Variants in ERBB4 observed in about 807,000 individuals in gnomAD.
The protein encoded by ERBB4 is erb-b2 receptor tyrosine kinase 4, also known as receptor tyrosine-protein kinase erbB-4.
A neutral mutation model predicts 158.0 loss-of-function variants in ERBB4; 42 were observed. The ratio of observed to expected loss-of-function variants is 0.27; its 90% CI spans 0.21 to 0.34. The LOEUF is 0.34. Ranked by LOEUF, ERBB4 falls within the 10% of genes least tolerant of loss-of-function variation. The pLI is 1.00. For synonymous variants in ERBB4, 583 were observed against 558.7 expected (o/e 1.04, Z -0.61); for missense variants, 1,333 against 1,624.1 (o/e 0.82, Z 3.08).
chr2:211,476,821 T>A (rs1227653897), intron 20 of ERBB4, among the ~76,000 whole-genome samples: 1 of 152,118 alleles, frequency 6.6e-6, no homozygotes, highest in Non-Finnish European at 1.5e-5. Context: ...AACACAGGAA[T>A]ATGTCAAACT....
chr2:211,842,831 A>T (rs935158996), intron 3 of ERBB4, among the ~76,000 whole-genome samples: 2 of 152,138 alleles, frequency 1.3e-5, no homozygotes, highest in Admixed American at 1.3e-4. Context: ...AAATTATTAC[A>T]TTCCAAATGA....
chr2:211,887,503 A>G (rs1282339075), intron 3 of ERBB4, among the ~76,000 whole-genome samples: 1 of 152,202 alleles, frequency 6.6e-6, no homozygotes, highest in Non-Finnish European at 1.5e-5. Context: ...AATTACCTCA[A>G]GACAAAAGTT....
chr2:212,132,504 C>T (rs1341149590), intron 1 of ERBB4, among the ~76,000 whole-genome samples: 1 of 152,134 alleles, frequency 6.6e-6, no homozygotes, highest in East Asian at 1.9e-4. Context: ...GCAGTGCAGG[C>T]ACGGATAGAA....
At position 211,504,447 on chromosome 2, in the gene ERBB4, AG is replaced by A. The variant is rs2065694887; in HGVS notation, c.2487+57455del. 1.4e-4 allele frequency among the ~76,000 whole-genome samples: 22 copies of A among 151,972 alleles called. No individual in the cohort carries two copies. In the South Asian group the frequency reaches 4.6e-3, roughly 32 times the overall value. On this transcript the variant is annotated intron_variant, in intron 20 of 27. Transcript: ENST00000342788. ...AACAGCTAAACCCTCAAAGTGGGGA[AG>A]AAAAAAAAAAAACTCACCCAAATGA... is the stretch of plus-strand genomic sequence containing the variant.
chr2:212,453,613 T>G (rs928736944), intron 1 of ERBB4, among the ~76,000 whole-genome samples: 1 of 152,208 alleles, frequency 6.6e-6, no homozygotes, highest in Admixed American at 6.5e-5. Context: ...GTCACCTCTT[T>G]GTATAGCAAA....
chr2:211,734,287 G>A (rs2074528551), intron 5 of ERBB4, among the ~76,000 whole-genome samples: 1 of 152,078 alleles, frequency 6.6e-6, no homozygotes, highest in Non-Finnish European at 1.5e-5. Flanking sequence ...CTCTAAGACA[G>A]ATCACCACTT....
chr2:211,424,828 T>C (rs761490040), intron 22 of ERBB4, among the ~76,000 whole-genome samples: 1 of 152,124 alleles, frequency 6.6e-6, no homozygotes, highest in African/African-American at 2.4e-5. Context: ...GAATAAAACA[T>C]AGACTTCTTT....
intron 2 of ERBB4, among the ~76,000 whole-genome samples, chr2:211,977,272 C>T (rs1298940960): frequency 6.6e-6 from 1 of 152,056 alleles, no homozygotes; most frequent in African/African-American, 2.4e-5. Flanking sequence ...TTCCCTTAAA[C>T]TTCCAGCTAT....
chr2:211,477,373 T>C (rs1372503740), intron 20 of ERBB4, among the ~76,000 whole-genome samples: 2 of 152,122 alleles, frequency 1.3e-5, no homozygotes, highest in African/African-American at 2.4e-5. Flanking sequence ...TGGTTTTATT[T>C]CTCTGTGTTG....
intron 1 of ERBB4, among the ~76,000 whole-genome samples, chr2:212,202,799 A>T (rs1051701001): frequency 6.6e-6 from 1 of 152,188 alleles, no homozygotes; most frequent in South Asian, 2.1e-4. Context: ...ATTCTGAAAC[A>T]TGGAGCAACC....
intron 1 of ERBB4, among the ~76,000 whole-genome samples, chr2:212,431,142 C>G (rs1045708570): frequency 6.6e-6 from 1 of 151,630 alleles, no homozygotes; most frequent in African/African-American, 2.4e-5. Context: ...TCCAGGAGGA[C>G]GAATGCTACT....
At chr2:211,804,543 G>C (rs2076570786) in intron 3 of ERBB4, among the ~76,000 whole-genome samples, 1 of 152,154 alleles carries the variant, frequency 6.6e-6, no homozygotes, top group Non-Finnish European at 1.5e-5. Flanking sequence ...AATTTCAAAA[G>C]ACAAATTATC....
intron 1 of ERBB4, among the ~76,000 whole-genome samples, chr2:212,498,223 T>C (rs1690691547): frequency 1.3e-5 from 2 of 151,988 alleles, no homozygotes; most frequent in African/African-American, 4.8e-5. Context: ...GCAAGTCCCT[T>C]TTTTGAACCT....
chr2:212,536,622 C>A (rs914566596), intron 1 of ERBB4, among the ~76,000 whole-genome samples: 5 of 152,194 alleles, frequency 3.3e-5, no homozygotes, highest in Admixed American at 2.0e-4. Context: ...GCTAGTGTCG[C>A]CTGAGACGAG....
chr2:211,688,790 G>A (rs2072678994), intron 12 of ERBB4, among the ~76,000 whole-genome samples: 1 of 152,006 alleles, frequency 6.6e-6, no homozygotes, highest in South Asian at 2.1e-4. Context: ...TAACTTTGTA[G>A]TTATTTTAAA....
intron 4 of ERBB4, among the ~76,000 whole-genome samples, chr2:211,772,924 C>CATATATATATATATAT: frequency 2.7e-5 from 1 of 36,726 alleles, no homozygotes; most frequent in East Asian, 1.3e-3. Context: ...CACACACACA[C>CATATATATATATATAT]ATATATATAT....
chr2:211,909,414 A>G lies in ERBB4; in HGVS notation c.421+38016T>C, dbSNP rs1451478205. On this transcript the variant is annotated intron_variant, in intron 3 of 27. Transcript: ENST00000342788. The stretch of plus-strand genomic sequence containing the variant: ...AATTTTGTCATCGTGTGAACATCGT[A>G]AAGTACACTGTATTTACACAAACCT... 1.3e-5 allele frequency among the ~76,000 whole-genome samples: 2 copies of G among 151,820 alleles called. 1 individual carries two copies. Among genetic ancestry groups the G allele is most frequent in the Non-Finnish European group, 2.9e-5 (2 of 67,972 alleles).
chr2:212,306,133 T>C (rs2086800862), intron 1 of ERBB4, among the ~76,000 whole-genome samples: 1 of 151,492 alleles, frequency 6.6e-6, no homozygotes, highest in African/African-American at 2.4e-5. Context: ...TTCCTTTTTA[T>C]GTGCAACAGT....
In ERBB4 at chr2:212,217,724, T is replaced by G. The variant is rs564299761; in HGVS notation, c.83-92821A>C. On this transcript the variant is annotated intron_variant, in intron 1 of 27. Transcript: ENST00000342788. ...AGCTCCAGAATCATAAAGAACTAGT[T>G]TCAAATTCAAGTTTAAAATACTGGT... Among the ~76,000 whole-genome samples, 5 of 151,450 alleles carry G rather than the reference T, an allele frequency of 3.3e-5. No homozygotes were observed. In the South Asian group the frequency reaches 1.0e-3, roughly 31 times the overall value.
Sources: allele counts gnomAD v4.1 joint callset (sites outside exome capture counted in the v4.1 genomes callset), GRCh38; gene constraint gnomAD v4.1.1; transcripts MANE v1.5; gene names NCBI Gene and HGNC (gene_info 2026-07-23, HGNC 2026-07-21).